The following C12orf42 variants were observed in gnomAD, a reference collection of about 807,000 sequenced individuals.
C12orf42 encodes uncharacterized protein C12orf42.
Under a neutral mutation model 21.6 loss-of-function variants are expected in C12orf42, and 25 were observed. The ratio of observed to expected loss-of-function variants is 1.16; its 90% CI spans 0.84 to 1.62. The LOEUF is 1.62. Ranked by LOEUF, C12orf42 falls within the 40% of genes most tolerant of loss-of-function variation. C12orf42 has a pLI of 0.00. For missense variants in C12orf42, 483 were observed against 459.3 expected, an observed-to-expected ratio of 1.05 and a Z score of -0.47; for synonymous variants, 174 against 175.0, an observed-to-expected ratio of 0.99 and a Z score of 0.05.
chr12:103,482,906 T>C (rs1954571944), intron 1 of C12orf42, among the ~76,000 whole-genome samples: 1 of 152,194 alleles, frequency 6.6e-6, no homozygotes, highest in Non-Finnish European at 1.5e-5. Context: ...AACTTGCCTA[T>C]TGAATTTTTA....
the C12orf42 span, chr12:103,505,601 A>T: frequency 3.3e-6 from 1 of 305,136 alleles, no homozygotes; most frequent in Non-Finnish European, 6.1e-6. Context: ...CCCATGTCTG[A>T]GTCTTAGGCT....
chr12:103,513,715 A>G, the C12orf42 span, among the ~76,000 whole-genome samples: 2 of 152,342 alleles, frequency 1.3e-5, no homozygotes, highest in Admixed American at 6.5e-5. Flanking sequence ...TTTAACAGAA[A>G]AAGCATTCAA....
At chr12:103,445,966 T>C (rs1443721555) in intron 2 of C12orf42, among the ~76,000 whole-genome samples, 2 of 151,996 alleles carry the variant, frequency 1.3e-5, no homozygotes, top group Non-Finnish European at 2.9e-5. Context: ...TTCAATGGGA[T>C]AGCACCATTT....
At chr12:103,083,383 C>T in the C12orf42 span, among the ~76,000 whole-genome samples, 88 of 151,998 alleles carry the variant, frequency 5.8e-4, 1 homozygote, top group Non-Finnish European at 4.4e-4. Flanking sequence ...ACAAAAAATA[C>T]AAAGTCTAAG....
chr12:103,121,775 C>T, the C12orf42 span, among the ~76,000 whole-genome samples: 4 of 152,300 alleles, frequency 2.6e-5, no homozygotes, highest in South Asian at 6.2e-4. Flanking sequence ...AAAGATTAGG[C>T]CCTGCTAGTT....
chr12:103,147,375 T>C, the C12orf42 span, among the ~76,000 whole-genome samples: 2 of 152,200 alleles, frequency 1.3e-5, no homozygotes, highest in African/African-American at 4.8e-5. Flanking sequence ...CTTTGTAAAA[T>C]GAAGAACTAG....
At chr12:103,506,339 A>G in the C12orf42 span, among the ~76,000 whole-genome samples, 28 of 146,280 alleles carry the variant, frequency 1.9e-4, no homozygotes, top group Middle Eastern at 7.0e-3. Context: ...AAACAAAAAA[A>G]AAACCAGTGC....
chr12:103,122,862 C>G, the C12orf42 span, among the ~76,000 whole-genome samples: 1 of 152,082 alleles, frequency 6.6e-6, no homozygotes, highest in African/African-American at 2.4e-5. Context: ...CATGAGCTGC[C>G]TTGCATCCTA....
the C12orf42 span, among the ~76,000 whole-genome samples, chr12:103,141,150 T>G: frequency 2.0e-5 from 3 of 152,154 alleles, no homozygotes; most frequent in Non-Finnish European, 4.4e-5. Flanking sequence ...TAAACACAGT[T>G]CAGTTTTTAG....
chr12:103,278,105 G>A (rs2035884472), intron 4 of C12orf42, among the ~76,000 whole-genome samples: 1 of 152,124 alleles, frequency 6.6e-6, no homozygotes, highest in Admixed American at 6.5e-5. Context: ...AACAAAAAGT[G>A]GATGGTAGGG....
chr12:103,209,707 C>T, the C12orf42 span, among the ~76,000 whole-genome samples: 2 of 152,178 alleles, frequency 1.3e-5, no homozygotes, highest in African/African-American at 4.8e-5. Flanking sequence ...ATTCGAGAGT[C>T]TCAATCTTTC....
the C12orf42 span, among the ~76,000 whole-genome samples, chr12:103,185,449 C>T: frequency 6.6e-6 from 1 of 152,164 alleles, no homozygotes; most frequent in African/African-American, 2.4e-5. Context: ...ACAATATCTA[C>T]TACAGACCCT....
chr12:103,354,297 G>A (rs989695552), intron 4 of C12orf42, among the ~76,000 whole-genome samples: 1 of 152,106 alleles, frequency 6.6e-6, no homozygotes, highest in African/African-American at 2.4e-5. Context: ...GTTCTAGGGA[G>A]AATTACGGCT....
chr12:103,161,832 TG>T, the C12orf42 span, among the ~76,000 whole-genome samples: 1 of 152,194 alleles, frequency 6.6e-6, no homozygotes, highest in Non-Finnish European at 1.5e-5. Flanking sequence ...TATTTGTTTG[TG>T]AAGAACTTTA....
At chr12:103,276,574 T>C (rs764130651) in intron 5 of C12orf42, among the ~76,000 whole-genome samples, 6 of 152,232 alleles carry the variant, frequency 3.9e-5, no homozygotes, top group Non-Finnish European at 7.3e-5. Flanking sequence ...AGGCGAGGTA[T>C]CAGCTAGGGG....
chr12:103,159,120 T>G, the C12orf42 span, among the ~76,000 whole-genome samples: 1 of 152,208 alleles, frequency 6.6e-6, no homozygotes, highest in African/African-American at 2.4e-5. Context: ...ATGGATTTAT[T>G]TGTCTCCTTG....
rs2039768498 is a variant in C12orf42, at chr12:103,318,578, T to C, written c.260-12233A>G. Among the ~76,000 whole-genome samples, 5 of 152,356 alleles carry C rather than the reference T, an allele frequency of 3.3e-5. 1 individual carries two copies. The South Asian group carries it at 1.0e-3, about 32-fold the overall frequency. On this transcript the variant is annotated intron_variant, in intron 4 of 5. Coordinates refer to ENST00000548883, the MANE Select transcript of C12orf42 (RefSeq NM_198521.5). ...AAATGGCACTGCATTGTGGTTTTAA[T>C]ATGTATTTTCCTGACAAAGAATGAA...
In C12orf42 at chr12:103,495,896, G is replaced by A. The variant is rs1472022902; in HGVS notation, c.-22+6C>T. The A allele has an allele frequency of 1.3e-5, 2 of 152,348 alleles. No individual in the cohort carries two copies. The highest frequency in any genetic ancestry group is 2.4e-5 in the African/African-American group (1 of 41,442). 9.4% of individuals were successfully genotyped at this position (152,348 alleles called of 1,614,324 possible). On this transcript the variant is annotated splice_donor_region_variant and intron_variant, in intron 1 of 5. Transcript: ENST00000548883. Reference sequence around the variant, plus strand: ...AGGGGGCGAGTCCCGCGCTCCCTGCGTCTACCTGGAGCTGCAGGGTCCCTA... The same window carrying A: ...AGGGGGCGAGTCCCGCGCTCCCTGCATCTACCTGGAGCTGCAGGGTCCCTA...
the C12orf42 span, among the ~76,000 whole-genome samples, chr12:103,220,511 T>C: frequency 6.6e-6 from 1 of 152,206 alleles, no homozygotes; most frequent in Non-Finnish European, 1.5e-5. Flanking sequence ...AAAAGATCTC[T>C]TTTTATACAT....
Sources: gnomAD v4.1 joint callset for allele counts (sites outside exome capture counted in the v4.1 genomes callset) on GRCh38, gnomAD v4.1.1 for gene constraint, MANE v1.5 for transcripts, NCBI Gene and HGNC (gene_info 2026-07-23, HGNC 2026-07-21) for gene names.